Variants in PKHD1 observed in about 807,000 individuals in gnomAD.
PKHD1 encodes fibrocystin.
A neutral mutation model predicts 412.0 loss-of-function variants in PKHD1; 291 were observed. The observed-to-expected ratio is 0.71, with a 90% confidence interval of 0.64 to 0.78. The LOEUF (loss-of-function observed/expected upper bound fraction) is 0.78. Among genes scored for constraint, PKHD1 ranks in the 30% least tolerant of loss-of-function variants. The pLI is 0.00. For missense variants in PKHD1, 4,825 were observed against 4,950.7 expected, an observed-to-expected ratio of 0.97 and a Z score of 0.76; for synonymous variants, 1,777 against 1,821.5, an observed-to-expected ratio of 0.98 and a Z score of 0.62.
At chr6:51,709,548 G>A (rs115646908) in intron 60 of PKHD1, among the ~76,000 whole-genome samples, 3,967 of 152,202 alleles carry the variant, frequency 0.026, 165 homozygotes, top group African/African-American at 0.088. Context: ...AAATGATAGT[G>A]ATCTTTGTAT....
intron 60 of PKHD1, among the ~76,000 whole-genome samples, chr6:51,660,766 C>A (rs909143146): frequency 6.6e-5 from 10 of 152,150 alleles, no homozygotes; most frequent in Non-Finnish European, 1.5e-4. Context: ...TCTGCATGTG[C>A]CACCCTCAAG....
intron 37 of PKHD1, among the ~76,000 whole-genome samples, chr6:51,925,093 A>C (rs1314497145): frequency 2.0e-5 from 3 of 152,212 alleles, no homozygotes; most frequent in African/African-American, 7.2e-5. Flanking sequence ...TCAAGAGCCC[A>C]GGCTCCTCAT....
At chr6:51,975,195 C>A (rs1794211718) in intron 35 of PKHD1, among the ~76,000 whole-genome samples, 1 of 152,036 alleles carries the variant, frequency 6.6e-6, no homozygotes, top group African/African-American at 2.4e-5. Context: ...AAAGACGTTT[C>A]TTTGTTTTTA....
intron 43 of PKHD1, among the ~76,000 whole-genome samples, chr6:51,895,947 G>C (rs1020001239): frequency 6.6e-6 from 1 of 152,138 alleles, no homozygotes; most frequent in Admixed American, 6.6e-5. Flanking sequence ...CCCGAATACT[G>C]CGCTTTTCCG....
At chr6:51,799,120 GAAT>G (rs3062501) in intron 52 of PKHD1, among the ~76,000 whole-genome samples, 89,426 of 151,568 alleles carry the variant, frequency 0.59, 27,018 homozygotes, top group East Asian at 0.83. Context: ...GGACCTAGAA[GAAT>G]AATATTTAAC....
intron 57 of PKHD1, among the ~76,000 whole-genome samples, chr6:51,752,167 T>C (rs1582463296): frequency 6.6e-6 from 1 of 152,220 alleles, no homozygotes; most frequent in South Asian, 2.1e-4. Flanking sequence ...AAAAGAATGG[T>C]TCAATTCTTA....
rs1004444311 is a variant in PKHD1 at position 52,021,470 on chromosome 6, G to A, written c.5380+1331C>T. The stretch of plus-strand genomic sequence containing the variant: ...ATGTAGCAGTATTAGTTAAAAATTA[G>A]AGCCTATAAATGTGCAGTCTTAGCT... On this transcript the variant is annotated intron_variant, in intron 33 of 66. Transcript: ENST00000371117. Among the ~76,000 whole-genome samples, 13 of 152,268 alleles carry A rather than the reference G, an allele frequency of 8.5e-5. 1 individual carries two copies. In the South Asian group the frequency reaches 2.3e-3, roughly 27 times the overall value.
At chr6:52,085,445 G>A (rs1008823105) in intron 1 of PKHD1, among the ~76,000 whole-genome samples, 35 of 151,438 alleles carry the variant, frequency 2.3e-4, no homozygotes, top group African/African-American at 8.0e-4. Flanking sequence ...ACTCAGACAA[G>A]CCTTCCACAC....
At chr6:51,709,724 A>AAAT (rs1780422161) in intron 60 of PKHD1, among the ~76,000 whole-genome samples, 1 of 152,234 alleles carries the variant, frequency 6.6e-6, no homozygotes, top group Admixed American at 6.5e-5. Flanking sequence ...TCATTGTGTG[A>AAAT]AATACATTGC....
At position 51,911,947 on chromosome 6, in the gene PKHD1, G is replaced by C; in HGVS notation, c.6342C>G (p.His2114Gln). The change falls in exon 39 of 67, where the codon CAC becomes CAG. Residue 2114 changes from histidine to glutamine, a missense_variant. Coordinates refer to ENST00000371117, the MANE Select transcript of PKHD1 (RefSeq NM_138694.4). ...LYLKSPLRYS[H>Q]NFTENWVAGE... ...CAGCCACCCAATTCTCTGTAAAGTTGTGAGAATATCTGGAGAAAAAAAGAG... is the reference window on the plus strand; with the variant it reads ...CAGCCACCCAATTCTCTGTAAAGTTCTGAGAATATCTGGAGAAAAAAAGAG... The C allele has an allele frequency of 1.2e-6, 2 of 1,610,110 alleles. No homozygotes were observed. The highest frequency in any genetic ancestry group is 1.7e-6 in the Non-Finnish European group (2 of 1,177,970).
intron 60 of PKHD1, among the ~76,000 whole-genome samples, chr6:51,732,543 A>G (rs1370019040): frequency 6.6e-6 from 1 of 152,232 alleles, no homozygotes; most frequent in Non-Finnish European, 1.5e-5. Flanking sequence ...CCATGAAAAG[A>G]TGTTCAACAC....
intron 43 of PKHD1, among the ~76,000 whole-genome samples, chr6:51,897,190 C>A (rs1426072001): frequency 1.3e-5 from 2 of 152,032 alleles, no homozygotes; most frequent in Non-Finnish European, 2.9e-5. Context: ...TCGAGAAGAG[C>A]AACTCCAAGA....
intron 24 of PKHD1, among the ~76,000 whole-genome samples, chr6:52,045,760 A>G (rs1054876124): frequency 2.0e-5 from 3 of 152,180 alleles, no homozygotes; most frequent in African/African-American, 7.2e-5. Context: ...ACTGACCAAT[A>G]ACTTCACTAC....
At chr6:52,055,780 A>G (rs1390527277) in intron 18 of PKHD1, 51 bp from the exon 19 acceptor site, 3 of 1,593,564 alleles carry the variant, frequency 1.9e-6, no homozygotes, top group Non-Finnish European at 2.6e-6. Context: ...ATTAAAAAAG[A>G]CAGAGCTTCC....
chr6:51,633,655 T>G (rs1417507904), intron 64 of PKHD1, among the ~76,000 whole-genome samples: 1 of 152,158 alleles, frequency 6.6e-6, no homozygotes, highest in Non-Finnish European at 1.5e-5. Flanking sequence ...TGGTACACAT[T>G]TGTAGGATTC....
intron 37 of PKHD1, among the ~76,000 whole-genome samples, chr6:51,929,285 T>C (rs898327463): frequency 2.0e-5 from 3 of 152,178 alleles, no homozygotes; most frequent in Non-Finnish European, 4.4e-5. Flanking sequence ...AGAGAGGCCC[T>C]GGACACCTCA....
At chr6:51,961,389 T>C (rs540624970) in intron 35 of PKHD1, among the ~76,000 whole-genome samples, 1 of 152,244 alleles carries the variant, frequency 6.6e-6, no homozygotes, top group South Asian at 2.1e-4. Flanking sequence ...TAAAAGTCTA[T>C]GACTCATCAC....
intron 63 of PKHD1, among the ~76,000 whole-genome samples, chr6:51,640,191 C>A (rs1346030869): frequency 6.6e-6 from 1 of 152,120 alleles, no homozygotes; most frequent in East Asian, 1.9e-4. Context: ...TGCAGTTTTT[C>A]CTTTGACAAA....
intron 35 of PKHD1, among the ~76,000 whole-genome samples, chr6:51,988,309 T>G (rs900689777): frequency 2.0e-5 from 3 of 152,198 alleles, no homozygotes; most frequent in Admixed American, 2.0e-4. Flanking sequence ...TAAGACAAAT[T>G]CTTGACAAAA....
Sources: gnomAD v4.1 joint callset for allele counts (sites outside exome capture counted in the v4.1 genomes callset) on GRCh38, gnomAD v4.1.1 for gene constraint, MANE v1.5 for transcripts, NCBI Gene and HGNC (gene_info 2026-07-23, HGNC 2026-07-21) for gene names.